The following INPP5A variants were observed in gnomAD, a reference collection of about 807,000 sequenced individuals.
The protein encoded by INPP5A is inositol polyphosphate-5-phosphatase A.
Under a neutral mutation model 65.2 loss-of-function variants are expected in INPP5A, and 14 were observed. The ratio of observed to expected loss-of-function variants is 0.21; its 90% CI spans 0.14 to 0.34. INPP5A has a LOEUF of 0.34. Among genes scored for constraint, INPP5A ranks in the 10% least tolerant of loss-of-function variants. The pLI is 1.00. For synonymous variants in INPP5A, 207 were observed against 208.3 expected, an observed-to-expected ratio of 0.99 and a Z score of 0.05; for missense variants, 431 against 545.6, an observed-to-expected ratio of 0.79 and a Z score of 2.09.
At position 132,637,350 on chromosome 10, in the gene INPP5A, T is replaced by G. The variant is rs1348988356; in HGVS notation, c.118-8518T>G. Among the ~76,000 whole-genome samples, 1 of 152,236 alleles carries G rather than the reference T, an allele frequency of 6.6e-6. No individual in the cohort carries two copies. The highest frequency in any genetic ancestry group is 6.5e-5 in the Admixed American group (1 of 15,286). The stretch of plus-strand genomic sequence containing the variant: ...CAGTGTATAAGTGCGGGTCTTTTTC[T>G]GTTTTGAAGTTTTCCTGGGTTATAG... On this transcript the variant is annotated intron_variant, in intron 2 of 15. Transcript: ENST00000368594. The surrounding 1 kb of genome is among the most constrained non-coding windows in gnomAD (Gnocchi z 4.1).
intron 11 of INPP5A, among the ~76,000 whole-genome samples, chr10:132,752,111 G>GTGCCCAGGAGGCGTCTGGGGGGAGGCGGC (rs1846496053): frequency 6.9e-6 from 1 of 144,302 alleles, no homozygotes; most frequent in Non-Finnish European, 1.5e-5. Context: ...GTGGAGGCGG[G>GTGCCCAGGAGGCGTCTGGGGGGAGGCGGC]TGCCCAGGAG....
intron 7 of INPP5A, among the ~76,000 whole-genome samples, chr10:132,708,926 CTCCAGCCAT>C (rs1845586796): frequency 6.6e-6 from 1 of 152,206 alleles, no homozygotes; most frequent in South Asian, 2.1e-4. Flanking sequence ...CAACGTGTCC[CTCCAGCCAT>C]CACATCTCAT....
At chr10:132,591,275 T>C (rs1387456668) in intron 1 of INPP5A, among the ~76,000 whole-genome samples, 8 of 152,256 alleles carry the variant, frequency 5.3e-5, no homozygotes, top group Non-Finnish European at 7.3e-5. Flanking sequence ...TGACTCACTC[T>C]TTTTAAGGAT....
chr10:132,630,269 G>A (rs1282401507), intron 2 of INPP5A, among the ~76,000 whole-genome samples: 2 of 151,794 alleles, frequency 1.3e-5, no homozygotes, highest in African/African-American at 4.8e-5. Flanking sequence ...GTCCATGAGG[G>A]GAAGGCATCC....
chr10:132,703,752 C>T (rs114202853), intron 6 of INPP5A, among the ~76,000 whole-genome samples: 859 of 77,266 alleles, frequency 0.011, 8 homozygotes, highest in Middle Eastern at 0.034. Context: ...CATACACGTA[C>T]GGCTTCACCC....
intron 12 of INPP5A, 69 bp downstream of exon 12, chr10:132,765,915 G>A: frequency 1.2e-6 from 1 of 867,488 alleles, no homozygotes; most frequent in Non-Finnish European, 2.0e-6. Flanking sequence ...CCAGTCTCTG[G>A]TGCATCTGCG....
chr10:132,724,608 G>A (rs1219538141), intron 8 of INPP5A, among the ~76,000 whole-genome samples: 1 of 152,012 alleles, frequency 6.6e-6, no homozygotes, highest in Non-Finnish European at 1.5e-5. Context: ...GCCAGCAGGA[G>A]CACACACCAT....
At chr10:132,599,448 G>A (rs1007508642) in intron 1 of INPP5A, among the ~76,000 whole-genome samples, 5 of 152,240 alleles carry the variant, frequency 3.3e-5, no homozygotes, top group Admixed American at 3.3e-4. Flanking sequence ...GTGCTCCCAC[G>A]ATCTTGGGCA....
At chr10:132,765,249 A>G (rs1419431911) in intron 11 of INPP5A, among the ~76,000 whole-genome samples, 1 of 152,170 alleles carries the variant, frequency 6.6e-6, no homozygotes. Context: ...CTCAGGGGGC[A>G]AGGCCATTTG....
At chr10:132,656,979 C>T (rs1590900725) in intron 4 of INPP5A, among the ~76,000 whole-genome samples, 1 of 152,124 alleles carries the variant, frequency 6.6e-6, no homozygotes, top group African/African-American at 2.4e-5. Context: ...GCCTGGGGTC[C>T]GATGACCTAG....
At position 132,616,045 on chromosome 10, in the gene INPP5A, T is replaced by A. The variant is rs560221878; in HGVS notation, c.117+8089T>A. 2.6e-5 allele frequency among the ~76,000 whole-genome samples: 4 copies of A among 152,242 alleles called. No homozygotes were observed. The South Asian group carries it at 8.3e-4, about 32-fold the overall frequency. On this transcript the variant is annotated intron_variant, in intron 2 of 15. Coordinates refer to ENST00000368594, the MANE Select transcript of INPP5A (RefSeq NM_005539.5). This position sits in a 1 kb window ranked among gnomAD's most constrained non-coding sequence, Gnocchi z 4.9. ...CTCTGTAGCTGCCGGTTCCGGGTCC[T>A]GTGGGGAGCGGTGAGGGATGGTCGT...
rs187652572 is a variant in INPP5A at position 132,690,101 on chromosome 10, C to T, written c.307-291C>T. On this transcript the variant is annotated intron_variant, in intron 4 of 15. Transcript: ENST00000368594. Reference sequence around the variant, plus strand: ...CCTGCTGGAGCCAGCACCGGCTGCACGGCTCACCTGGGAAGGGTCTGGTCC... The same window carrying T: ...CCTGCTGGAGCCAGCACCGGCTGCATGGCTCACCTGGGAAGGGTCTGGTCC... 1.7e-3 allele frequency among the ~76,000 whole-genome samples: 260 copies of T among 152,352 alleles called. 3 individuals are homozygous for T. Among genetic ancestry groups the T allele is most frequent in the Middle Eastern group, 6.8e-3 (2 of 294 alleles).
chr10:132,583,977 A>G (rs2492769), intron 1 of INPP5A, among the ~76,000 whole-genome samples: 38,106 of 152,188 alleles, frequency 0.25, 5,540 homozygotes, highest in East Asian at 0.5. Flanking sequence ...CAGCTACTCC[A>G]GAGGCTGAGG....
chr10:132,546,029 A>G lies in INPP5A; in HGVS notation c.75+7858A>G, dbSNP rs1330713678. 6.6e-6 allele frequency among the ~76,000 whole-genome samples: 1 copy of G among 152,138 alleles called. No individual in the cohort carries two copies. Among genetic ancestry groups the G allele is most frequent in the Admixed American group, 6.5e-5 (1 of 15,286 alleles). The stretch of plus-strand genomic sequence containing the variant: ...AGCGTCCACCAGGTCCTGCTTGTGT[A>G]CGGGGGCCGGCAGCACCGTTGTGTT... On this transcript the variant is annotated intron_variant, in intron 1 of 15. Transcript: ENST00000368594. This position sits in a 1 kb window ranked among gnomAD's most constrained non-coding sequence, Gnocchi z 5.7.
At chr10:132,712,673 G>C (rs987412251) in intron 8 of INPP5A, among the ~76,000 whole-genome samples, 2 of 146,356 alleles carry the variant, frequency 1.4e-5, no homozygotes, top group Non-Finnish European at 3.0e-5. Flanking sequence ...TGCATGTGTG[G>C]GTGCATGTGA....
chr10:132,753,114 G>A lies in INPP5A; in HGVS notation c.903+3269G>A, dbSNP rs1334402372. On this transcript the variant is annotated intron_variant, in intron 11 of 15. Transcript: ENST00000368594. The surrounding 1 kb of genome is among the most constrained non-coding windows in gnomAD (Gnocchi z 5.3). ...CAGATCCTCTCTGTTTGGGGCCTGG[G>A]ACGACGGCACCTTCGGGAACGCCCC... Among the ~76,000 whole-genome samples the A allele has an allele frequency of 6.6e-6, 1 of 152,138 alleles. No homozygotes were observed. Among genetic ancestry groups the A allele is most frequent in the African/African-American group, 2.4e-5 (1 of 41,428 alleles).
intron 2 of INPP5A, among the ~76,000 whole-genome samples, chr10:132,626,923 C>T (rs567486315): frequency 2.0e-5 from 3 of 152,064 alleles, no homozygotes; most frequent in Admixed American, 6.5e-5. Flanking sequence ...GGCACTGGGG[C>T]GGGGTGGGTG....
chr10:132,589,513 C>T (rs1049949516), intron 1 of INPP5A, among the ~76,000 whole-genome samples: 4 of 152,274 alleles, frequency 2.6e-5, no homozygotes, highest in African/African-American at 9.6e-5. Flanking sequence ...CCACTGGCCA[C>T]AGCCTCCACT....
At position 132,779,019 on chromosome 10, in the gene INPP5A, C is replaced by A. The variant is rs74447098; in HGVS notation, c.1089+1237C>A. ...ACCCTGGGTGCAGCCTGCCCTCCGT[C>A]CCTGGCTGTGCTGTGAGGAGCCTGC... On this transcript the variant is annotated intron_variant, in intron 13 of 15. Coordinates refer to ENST00000368594, the MANE Select transcript of INPP5A (RefSeq NM_005539.5). 2.4e-4 allele frequency among the ~76,000 whole-genome samples: 37 copies of A among 152,362 alleles called. No homozygotes were observed. The East Asian group carries it at 6.7e-3, about 28-fold the overall frequency.
Sources: gnomAD v4.1 joint callset for allele counts (sites outside exome capture counted in the v4.1 genomes callset) on GRCh38, gnomAD v4.1.1 for gene constraint, Gnocchi (gnomAD v3.1) non-coding constraint, MANE v1.5 for transcripts, NCBI Gene and HGNC (gene_info 2026-07-23, HGNC 2026-07-21) for gene names.